EPB41: variants seen among roughly 807,000 people sequenced by gnomAD.
EPB41 encodes the protein protein 4.1.
In EPB41, 65 loss-of-function variants were observed where a neutral mutation model predicts 108.0. That is an observed-to-expected ratio of 0.60 (90% CI 0.49 to 0.74). EPB41 has a LOEUF of 0.74. EPB41 is among the 30% of genes least tolerant of loss of function. The pLI is 0.00. For missense variants in EPB41, 875 were observed against 1,037.0 expected, an observed-to-expected ratio of 0.84 and a Z score of 2.15; for synonymous variants, 336 against 358.9, an observed-to-expected ratio of 0.94 and a Z score of 0.72.
At position 29,030,460 on chromosome 1, in the gene EPB41, G is replaced by A; in HGVS notation, c.1185G>A (p.Met395Ile). ...TTGAGAATGCCAAAAAGTTGTCTAT[G>A]TATGGAGTTGATCTTCATAAAGCAA... is the stretch of plus-strand genomic sequence containing the variant. Reference protein sequence around the residue: ...EFLENAKKLSMYGVDLHKAKD... With the variant: ...EFLENAKKLSIYGVDLHKAKD... Residue 395 changes from methionine (M) to isoleucine (I), a missense_variant, in exon 8 of 21, where the codon ATG becomes ATA. Physicochemically the swap from Met to Ile is conservative, Grantham distance 10 (BLOSUM62 1). Coordinates refer to ENST00000343067, the MANE Select transcript of EPB41 (RefSeq NM_001376013.1). 1 of 1,614,080 alleles carries A rather than the reference G, an allele frequency of 6.2e-7. No homozygotes were observed. The highest frequency in any genetic ancestry group is 8.5e-7 in the Non-Finnish European group (1 of 1,179,948).
Position 28,904,592 on chromosome 1 carries a change from T to C in EPB41, c.-8+17382T>C, listed in dbSNP as rs530537269. Among the ~76,000 whole-genome samples, 8 of 152,198 alleles carry C rather than the reference T, an allele frequency of 5.3e-5. No homozygotes were observed. In the South Asian group the frequency reaches 8.3e-4, roughly 16 times the overall value. On this transcript the variant is annotated intron_variant, in intron 1 of 16. Transcript: ENST00000347529. Reference sequence around the variant, plus strand: ...GGTGGGGCCCTCATGACAGTATTAGTGCCCTTATAAGAAGAGACACCAAGG... The same window carrying C: ...GGTGGGGCCCTCATGACAGTATTAGCGCCCTTATAAGAAGAGACACCAAGG...
rs1646307333 is a variant in EPB41, at chr1:29,060,404, C to T, written c.1945-18C>T. 6.2e-7 allele frequency: 1 copy of T among 1,609,894 alleles called. No homozygotes were observed. The highest frequency in any genetic ancestry group is 8.5e-7 in the Non-Finnish European group (1 of 1,176,536). ...AATTTTTTATGCTTTTCTGTTTTCCCCCCTTTCATTTTCACAGAAAAAGAG... is the reference window on the plus strand; with the variant it reads ...AATTTTTTATGCTTTTCTGTTTTCCTCCCTTTCATTTTCACAGAAAAAGAG... On this transcript the variant is annotated intron_variant, in intron 14 of 20. Transcript: ENST00000343067.
At chr1:29,057,889 G>A (rs1226784503) in intron 12 of EPB41, among the ~76,000 whole-genome samples, 1 of 152,206 alleles carries the variant, frequency 6.6e-6, no homozygotes, top group Non-Finnish European at 1.5e-5. Context: ...CCTCCCTAGA[G>A]GAGATTGCAG....
In EPB41 at chr1:29,018,798, T is replaced by TA. The variant is rs2096608388; in HGVS notation, c.1124+357dup. On this transcript the variant is annotated intron_variant, in intron 7 of 20. Coordinates refer to ENST00000343067, the MANE Select transcript of EPB41 (RefSeq NM_001376013.1). The surrounding 1 kb of genome is among the most constrained non-coding windows in gnomAD (Gnocchi z 4.4). ...GCTGCATTAGGTACCTTGAGATCCT[T>TA]AGAGCAGGGGTTTTTAATTTGAGAT... Among the ~76,000 whole-genome samples the TA allele has an allele frequency of 1.3e-5, 2 of 152,308 alleles. No individual in the cohort carries two copies. Among genetic ancestry groups the TA allele is most frequent in the East Asian group, 3.9e-4 (2 of 5,188 alleles).
intron 4 of EPB41, among the ~76,000 whole-genome samples, chr1:29,009,143 C>CTTT (rs11330641): frequency 1.4e-5 from 2 of 140,592 alleles, no homozygotes; most frequent in Non-Finnish European, 1.6e-5. Context: ...TTTAATCCTT[C>CTTT]TTTTTTTTTT....
In EPB41 at chr1:28,933,673, G is replaced by T. The variant is rs182281246; in HGVS notation, c.-8+18905G>T. 2.0e-5 allele frequency among the ~76,000 whole-genome samples: 3 copies of T among 152,166 alleles called. No homozygotes were observed. The East Asian group carries it at 5.8e-4, about 29-fold the overall frequency. ...GCATTGATGCGTTCATAGAGTATCG[G>T]CCAGGTGTTTTACAAAATGCCAGTC... On this transcript the variant is annotated intron_variant, in intron 1 of 20. Transcript: ENST00000343067.
chr1:29,002,686 G>C (rs1002688526), intron 4 of EPB41, among the ~76,000 whole-genome samples: 1 of 152,062 alleles, frequency 6.6e-6, no homozygotes, highest in African/African-American at 2.4e-5. Context: ...ATTGGAAAAA[G>C]ATAAAATCAC....
intron 7 of EPB41, among the ~76,000 whole-genome samples, chr1:29,028,879 G>A (rs1385073585): frequency 3.3e-5 from 5 of 151,750 alleles, no homozygotes; most frequent in African/African-American, 9.7e-5. Context: ...CCCTCTGTAC[G>A]AAAAATAAGA....
intron 7 of EPB41, among the ~76,000 whole-genome samples, chr1:29,024,821 A>T (rs188763141): frequency 6.6e-6 from 1 of 151,938 alleles, no homozygotes; most frequent in African/African-American, 2.4e-5. Context: ...TCTGTTAGAG[A>T]TGTGGTAGAA....
At chr1:29,053,060 G>A in intron 11 of EPB41, 44 bp from the exon 12 acceptor site, 1 of 1,601,578 alleles carries the variant, frequency 6.2e-7, no homozygotes, top group South Asian at 1.1e-5. Context: ...TAATACAGTA[G>A]CTCTGGCCTT....
At chr1:28,926,546 T>A (rs2093459536) in intron 1 of EPB41, among the ~76,000 whole-genome samples, 1 of 152,220 alleles carries the variant, frequency 6.6e-6, no homozygotes, top group African/African-American at 2.4e-5. Context: ...AAGGAGAGAT[T>A]TGGATCTTCT....
chr1:29,049,379 T>C (rs1392846695), intron 11 of EPB41, among the ~76,000 whole-genome samples: 1 of 152,200 alleles, frequency 6.6e-6, no homozygotes, highest in Non-Finnish European at 1.5e-5. Context: ...ACCAGGTAGT[T>C]CATCCATTCA....
intron 1 of EPB41, among the ~76,000 whole-genome samples, chr1:28,902,903 C>A (rs2091445238): frequency 6.6e-6 from 1 of 152,148 alleles, no homozygotes. Flanking sequence ...CCTACTTGAC[C>A]TCACTAGGGA....
intron 1 of EPB41, among the ~76,000 whole-genome samples, chr1:28,981,815 G>C (rs72874929): frequency 0.12 from 18,656 of 151,568 alleles, 1,581 homozygotes; most frequent in African/African-American, 0.25. Flanking sequence ...TTGGGCAACT[G>C]TAATATGTGG....
At chr1:28,915,731 C>CTTTTTTTTTTTTTTTTTTTTTTTTTGTTG (rs11321625) in intron 1 of EPB41, among the ~76,000 whole-genome samples, 1 of 56,074 alleles carries the variant, frequency 1.8e-5, no homozygotes, top group Non-Finnish European at 3.1e-5. Context: ...TTTTCAGATG[C>CTTTTTTTTTTTTTTTTTTTTTTTTTGTTG]TTTTTTTTTT....
At chr1:29,091,479 A>G (rs1661155802) in intron 16 of EPB41, among the ~76,000 whole-genome samples, 1 of 152,220 alleles carries the variant, frequency 6.6e-6, no homozygotes, top group Admixed American at 6.5e-5. Context: ...AAAGTAGCAT[A>G]GCATCTTAAC....
intron 17 of EPB41, among the ~76,000 whole-genome samples, chr1:29,107,660 G>C (rs6682014): frequency 0.012 from 1,821 of 151,886 alleles, 39 homozygotes; most frequent in African/African-American, 0.039. Context: ...AGACCAGCCT[G>C]GCCAATATGG....
chr1:28,922,074 A>G (rs1476239981), intron 1 of EPB41, among the ~76,000 whole-genome samples: 1 of 148,294 alleles, frequency 6.7e-6, no homozygotes, highest in Non-Finnish European at 1.5e-5. Flanking sequence ...GGTTGAAGCG[A>G]TTCTCCTGCC....
At chr1:29,086,657 AGAG>A (rs1323642723) in intron 16 of EPB41, among the ~76,000 whole-genome samples, 1 of 152,168 alleles carries the variant, frequency 6.6e-6, no homozygotes, top group Non-Finnish European at 1.5e-5. Flanking sequence ...TAACTGATCA[AGAG>A]GAGGATTTAG....
Sources: allele counts gnomAD v4.1 joint callset (sites outside exome capture counted in the v4.1 genomes callset), GRCh38; gene constraint gnomAD v4.1.1; non-coding constraint Gnocchi (gnomAD v3.1); transcripts MANE v1.5; gene names NCBI Gene and HGNC (gene_info 2026-07-23, HGNC 2026-07-21).